The following PPFIA2 variants were observed in gnomAD, a reference collection of about 807,000 sequenced individuals.
The protein encoded by PPFIA2 is liprin-alpha-2.
A neutral mutation model predicts 175.5 loss-of-function variants in PPFIA2; 46 were observed. The observed-to-expected ratio is 0.26, with a 90% CI of 0.21 to 0.34. The LOEUF (loss-of-function observed/expected upper bound fraction) is 0.34, where lower values mean the gene tolerates loss of function less well. Ranked by LOEUF, PPFIA2 falls within the 10% of genes least tolerant of loss-of-function variation. The probability of loss-of-function intolerance (pLI) is 1.00; values close to 1 mark genes in which losing one functional copy is unlikely to be tolerated. For synonymous variants in PPFIA2, 568 were observed against 511.4 expected (o/e 1.11, Z -1.49); for missense variants, 1,179 against 1,506.1 (o/e 0.78, Z 3.60).
At chr12:81,517,111 T>G (rs1344537902) in intron 4 of PPFIA2, among the ~76,000 whole-genome samples, 3 of 151,166 alleles carry the variant, frequency 2.0e-5, no homozygotes, top group Non-Finnish European at 4.4e-5. Context: ...TTGTAGCTTT[T>G]TTTTTTTTTT....
chr12:81,379,047 T>C (rs1351494541), intron 9 of PPFIA2, among the ~76,000 whole-genome samples: 1 of 152,170 alleles, frequency 6.6e-6, no homozygotes, highest in Non-Finnish European at 1.5e-5. Context: ...CTCTATGACG[T>C]AGATTACATG....
At chr12:81,702,345 C>A (rs2076599239) in intron 3 of PPFIA2, among the ~76,000 whole-genome samples, 1 of 152,104 alleles carries the variant, frequency 6.6e-6, no homozygotes, top group South Asian at 2.1e-4. Flanking sequence ...CCATTGACTG[C>A]CAAATTTTTA....
chr12:81,489,208 C>T (rs370862212), intron 4 of PPFIA2, among the ~76,000 whole-genome samples: 1 of 151,460 alleles, frequency 6.6e-6, no homozygotes, highest in Non-Finnish European at 1.5e-5. Flanking sequence ...AATTTAGTTC[C>T]CTAGTTGCTC....
intron 4 of PPFIA2, among the ~76,000 whole-genome samples, chr12:81,619,728 T>C (rs1386598208): frequency 1.3e-5 from 2 of 152,222 alleles, no homozygotes; most frequent in African/African-American, 4.8e-5. Context: ...TGCAAACACA[T>C]TGGAAAATGT....
chr12:81,602,726 A>G (rs1595500871), intron 4 of PPFIA2, among the ~76,000 whole-genome samples: 1 of 151,780 alleles, frequency 6.6e-6, no homozygotes, highest in East Asian at 1.9e-4. Context: ...GTAATGCGAC[A>G]CAGTTAAGAT....
chr12:81,298,178 G>T (rs2046962702), intron 23 of PPFIA2: 2 of 152,104 alleles, frequency 1.3e-5, no homozygotes, highest in Middle Eastern at 3.2e-3. Context: ...GATTTCTTAA[G>T]CATTTTGTCT....
intron 8 of PPFIA2, among the ~76,000 whole-genome samples, chr12:81,389,626 T>C (rs1472759053): frequency 6.6e-6 from 1 of 152,062 alleles, no homozygotes; most frequent in African/African-American, 2.4e-5. Context: ...GTCTTAATAA[T>C]ATCAGAATAA....
At chr12:81,419,489 G>A (rs935589282) in intron 7 of PPFIA2, among the ~76,000 whole-genome samples, 2 of 151,706 alleles carry the variant, frequency 1.3e-5, no homozygotes, top group Non-Finnish European at 2.9e-5. Context: ...TTGTATACAC[G>A]TTTTGATTTA....
At chr12:81,465,255 G>A (rs2055395644) in intron 4 of PPFIA2, 1 of 152,122 alleles carries the variant, frequency 6.6e-6, no homozygotes, top group East Asian at 1.9e-4. Flanking sequence ...ATCTGAGTAA[G>A]TCCTGCCTTG....
chr12:81,612,840 CACAA>C lies in PPFIA2; in HGVS notation c.303+63947_303+63950del, dbSNP rs530998604. 1.3e-4 allele frequency among the ~76,000 whole-genome samples: 20 copies of C among 152,224 alleles called. No individual in the cohort carries two copies. In the East Asian group the frequency reaches 2.9e-3, roughly 22 times the overall value. ...AACATTATCTACATAAATACACGTGCACAAACATACACACACACAAATTTAAAAT... is the reference window on the plus strand; with the variant it reads ...AACATTATCTACATAAATACACGTGCACATACACACACACAAATTTAAAAT... On this transcript the variant is annotated intron_variant, in intron 4 of 32. Coordinates refer to ENST00000549396, the MANE Select transcript of PPFIA2 (RefSeq NM_003625.5).
chr12:81,545,453 C>T lies in PPFIA2; in HGVS notation c.304-87587G>A, dbSNP rs117817117. On this transcript the variant is annotated intron_variant, in intron 4 of 32. Transcript: ENST00000549396. ...GTACAATGGAGGATAAGATGGGGGG[C>T]GGGTGCCACATGTCTAAAAAGAGTG... 3.2e-3 allele frequency: 484 copies of T among 152,840 alleles called. 22 individuals are homozygous for T. In the East Asian group the frequency reaches 0.07, roughly 22 times the overall value. 9.5% of individuals were successfully genotyped at this position (152,840 alleles called of 1,614,324 possible).
intron 8 of PPFIA2, among the ~76,000 whole-genome samples, chr12:81,393,830 T>G (rs2040590647): frequency 6.6e-6 from 1 of 152,212 alleles, no homozygotes; most frequent in South Asian, 2.1e-4. Flanking sequence ...AACATGAGTA[T>G]GAACCTAAAC....
chr12:81,648,084 AC>A (rs1435535686), intron 4 of PPFIA2, among the ~76,000 whole-genome samples: 2 of 150,916 alleles, frequency 1.3e-5, no homozygotes, highest in South Asian at 4.2e-4. Flanking sequence ...ATATCTCATG[AC>A]CCATTATGTT....
chr12:81,358,238 A>T, intron 15 of PPFIA2, 21 bp from the exon 16 acceptor site: 1 of 1,548,848 alleles, frequency 6.5e-7, no homozygotes, highest in Non-Finnish European at 8.7e-7. Context: ...GGAAAAATAT[A>T]AAATAATCCA....
chr12:81,688,479 ATCT>A (rs1299372315), intron 3 of PPFIA2, among the ~76,000 whole-genome samples: 2 of 151,858 alleles, frequency 1.3e-5, no homozygotes, highest in Non-Finnish European at 2.9e-5. Flanking sequence ...TGATGCTTAG[ATCT>A]TCTCCTATCT....
chr12:81,601,727 A>C (rs2059811559), intron 4 of PPFIA2, among the ~76,000 whole-genome samples: 1 of 151,826 alleles, frequency 6.6e-6, no homozygotes, highest in Admixed American at 6.6e-5. Flanking sequence ...CTAGTACTGT[A>C]CTTTCCAAAC....
intron 7 of PPFIA2, among the ~76,000 whole-genome samples, chr12:81,410,881 A>G (rs908274765): frequency 1.3e-5 from 2 of 152,148 alleles, no homozygotes; most frequent in African/African-American, 4.8e-5. Context: ...CTATTCATGC[A>G]GAAAACACAT....
intron 4 of PPFIA2, among the ~76,000 whole-genome samples, chr12:81,469,449 C>T (rs1022079583): frequency 6.6e-6 from 1 of 152,188 alleles, no homozygotes; most frequent in African/African-American, 2.4e-5. Context: ...GCCCCGCATG[C>T]ACCCCTGTAG....
chr12:81,732,512 T>A (rs1950156), intron 3 of PPFIA2, among the ~76,000 whole-genome samples: 27,985 of 127,362 alleles, frequency 0.22, 2,855 homozygotes, highest in Middle Eastern at 0.33. Flanking sequence ...ATGTTTTTTT[T>A]TAAAAAAAAA....
Sources: gnomAD v4.1 joint callset for allele counts (sites outside exome capture counted in the v4.1 genomes callset) on GRCh38, gnomAD v4.1.1 for gene constraint, MANE v1.5 for transcripts, NCBI Gene and HGNC (gene_info 2026-07-23, HGNC 2026-07-21) for gene names.